BRSK2: variants seen among roughly 807,000 people sequenced by gnomAD.
BRSK2 encodes serine/threonine-protein kinase BRSK2.
Under a neutral mutation model 83.3 loss-of-function variants are expected in BRSK2, and 19 were observed. That is an observed-to-expected ratio of 0.23 (90% CI 0.16 to 0.33). The LOEUF is 0.33. Among genes scored for constraint, BRSK2 ranks in the 10% least tolerant of loss-of-function variants. BRSK2 has a pLI of 1.00. For missense variants in BRSK2, 798 were observed against 1,042.3 expected (o/e 0.77, Z 3.23); for synonymous variants, 519 against 435.4 (o/e 1.19, Z -2.39).
intron 1 of BRSK2, among the ~76,000 whole-genome samples, chr11:1,435,020 C>T (rs539433987): frequency 1.6e-4 from 25 of 151,538 alleles, no homozygotes; most frequent in African/African-American, 5.1e-4. Context: ...GGAGGGGGAC[C>T]GGGACCGTGT....
intron 12 of BRSK2, chr11:1,447,967 C>T: frequency 1.7e-6 from 2 of 1,163,494 alleles, no homozygotes; most frequent in East Asian, 2.6e-5. Context: ...GGCTGGGCTG[C>T]AGGGCTCCTG....
intron 1 of BRSK2, among the ~76,000 whole-genome samples, chr11:1,419,527 TTG>T (rs753389631): frequency 4.0e-4 from 61 of 152,372 alleles, no homozygotes; most frequent in Admixed American, 9.1e-4. Context: ...GAGCTTTTTT[TTG>T]TTTCTTAGTC....
Position 1,436,049 on chromosome 11 carries a change from A to G in BRSK2, c.101A>G (p.Lys34Arg). The G allele has an allele frequency of 6.2e-7, 1 of 1,603,876 alleles. No homozygotes were observed. Among genetic ancestry groups the G allele is most frequent in the Non-Finnish European group, 8.5e-7 (1 of 1,175,400 alleles). The part of the protein sequence containing the change: ...TLGKGQTGLV[K>R]LGVHCVTCQK... ...TGCTTCTCTCCCGCAGGTCTGGTGA[A>G]GCTGGGGGTTCACTGCGTCACCTGC... The change falls in exon 2 of 20, where the codon AAG (lysine) becomes AGG (arginine). Residue 34 changes from lysine to arginine, a missense_variant. Around this residue, in one of 6 missense-constraint regions of BRSK2, gnomAD observed 109 missense variants for 259.2 expected, o/e 0.42. Coordinates refer to ENST00000528841, the MANE Select transcript of BRSK2 (RefSeq NM_001256627.2).
chr11:1,456,077 G>C (rs1460693046), intron 16 of BRSK2, among the ~76,000 whole-genome samples: 1 of 152,188 alleles, frequency 6.6e-6, no homozygotes, highest in South Asian at 2.1e-4. Flanking sequence ...GTAAGGTCCT[G>C]GTCATCCTGT....
chr11:1,451,899 G>A (rs940720487), intron 15 of BRSK2, among the ~76,000 whole-genome samples: 7 of 152,232 alleles, frequency 4.6e-5, no homozygotes, highest in East Asian at 3.9e-4. Flanking sequence ...ACTCTACAGC[G>A]CCCAGGTGCT....
chr11:1,393,523 G>A (rs1845860350), intron 1 of BRSK2, among the ~76,000 whole-genome samples: 1 of 152,206 alleles, frequency 6.6e-6, no homozygotes, highest in African/African-American at 2.4e-5. Flanking sequence ...ATGAGGGGCT[G>A]CCCTGCAGCT....
chr11:1,425,107 G>C (rs888184242), intron 1 of BRSK2, among the ~76,000 whole-genome samples: 2 of 152,256 alleles, frequency 1.3e-5, no homozygotes, highest in African/African-American at 2.4e-5. Flanking sequence ...CCCGTGATGG[G>C]AAGCCTGACG....
intron 19 of BRSK2, 172 bp downstream of exon 19, chr11:1,459,411 C>A: frequency 1.5e-6 from 1 of 685,384 alleles, no homozygotes; most frequent in Non-Finnish European, 2.6e-6. Context: ...CAGCCCAGGT[C>A]GCTCCCCTAC....
chr11:1,456,864 TGGC>T (rs1486335470), intron 18 of BRSK2, 177 bp downstream of exon 18: 22 of 1,454,542 alleles, frequency 1.5e-5, no homozygotes, highest in Non-Finnish European at 2.1e-5. Context: ...AGCCCCTCCC[TGGC>T]CTGGCGGGAC....
intron 18 of BRSK2, 25 bp from the exon 19 acceptor site, chr11:1,459,167 C>G: frequency 6.2e-7 from 1 of 1,612,892 alleles, no homozygotes; most frequent in Non-Finnish European, 8.5e-7. Context: ...CACTCCCTCC[C>G]TCCTCTCTCC....
intron 19 of BRSK2, chr11:1,459,454 C>T: frequency 3.4e-6 from 2 of 593,494 alleles, no homozygotes; most frequent in Non-Finnish European, 6.1e-6. Flanking sequence ...CCTGGCCAGA[C>T]TCACCTCTGC....
chr11:1,461,730 A>G lies in BRSK2; in HGVS notation c.*1007A>G, dbSNP rs1160210687. The G allele has an allele frequency of 8.2e-6, 1 of 122,062 alleles. No individual in the cohort carries two copies. Among genetic ancestry groups the G allele is most frequent in the Non-Finnish European group, 1.7e-5 (1 of 60,252 alleles). 7.6% of individuals were successfully genotyped at this position (122,062 alleles called of 1,614,324 possible). On this transcript the variant is annotated 3_prime_UTR_variant, in exon 20 of 20. Transcript: ENST00000528841. Reference sequence around the variant, plus strand: ...AAACTTTAAAGAATTCCTGCAAGATATTTTTATAAACTTTTTTTTCTTGGT... The same window carrying G: ...AAACTTTAAAGAATTCCTGCAAGATGTTTTTATAAACTTTTTTTTCTTGGT...
intron 2 of BRSK2, among the ~76,000 whole-genome samples, chr11:1,437,276 T>C (rs1386669868): frequency 6.6e-6 from 1 of 152,124 alleles, no homozygotes; most frequent in Non-Finnish European, 1.5e-5. Context: ...AGGGAAGGAC[T>C]TGGGGACAGG....
intron 1 of BRSK2, among the ~76,000 whole-genome samples, chr11:1,396,900 C>T (rs1308560723): frequency 6.6e-6 from 1 of 152,194 alleles, no homozygotes; most frequent in African/African-American, 2.4e-5. Flanking sequence ...CCTGGCCCCT[C>T]GGAAGTGGAA....
chr11:1,449,562 C>T (rs778259015), intron 12 of BRSK2, among the ~76,000 whole-genome samples: 29 of 152,174 alleles, frequency 1.9e-4, no homozygotes, highest in Non-Finnish European at 2.5e-4. Flanking sequence ...GGCCCCCACA[C>T]GTGGGCTCTG....
intron 1 of BRSK2, among the ~76,000 whole-genome samples, chr11:1,407,431 C>T (rs1466488580): frequency 1.3e-5 from 2 of 152,134 alleles, no homozygotes; most frequent in Non-Finnish European, 2.9e-5. Context: ...GGCCACAGTG[C>T]CACCCGTCTT....
chr11:1,460,710 G>T lies in BRSK2; in HGVS notation c.2198G>T (p.Arg733Leu). 10 of 1,451,504 alleles carry T rather than the reference G, an allele frequency of 6.9e-6. No individual in the cohort carries two copies. The highest frequency in any genetic ancestry group is 1.5e-5 in the African/African-American group (1 of 65,512). 89.9% of individuals were successfully genotyped at this position (1,451,504 alleles called of 1,614,324 possible). ...TAKMGPPTAR[R>L]EQP ...AAGATGGGCCCGCCCACCGCCCGCC[G>T]CGAGCAGCCTTAGACACACTAGCCC... Residue 733 changes from arginine to leucine, a missense_variant, in exon 20 of 20, where the codon CGC becomes CTC. Physicochemically the swap from Arg to Leu is moderately radical, Grantham distance 102. Coordinates refer to ENST00000528841, the MANE Select transcript of BRSK2 (RefSeq NM_001256627.2).
intron 1 of BRSK2, among the ~76,000 whole-genome samples, chr11:1,422,466 G>A (rs57332342): frequency 0.11 from 17,093 of 152,178 alleles, 1,616 homozygotes; most frequent in African/African-American, 0.25. Flanking sequence ...GAGGCTCTGC[G>A]GTGGGCCCTG....
At chr11:1,391,695 C>G (rs961199366) in intron 1 of BRSK2, among the ~76,000 whole-genome samples, 2 of 152,204 alleles carry the variant, frequency 1.3e-5, no homozygotes, top group African/African-American at 2.4e-5. Flanking sequence ...GTTCAAAATT[C>G]TCGTCTTTCC....
Sources: allele counts gnomAD v4.1 joint callset (sites outside exome capture counted in the v4.1 genomes callset), GRCh38; gene constraint gnomAD v4.1.1; regional missense constraint gnomAD v4.1.1; transcripts MANE v1.5; gene names NCBI Gene and HGNC (gene_info 2026-07-23, HGNC 2026-07-21).